Variants in OR5A1 observed in about 807,000 individuals in gnomAD.
OR5A1 encodes the protein olfactory receptor family 5 subfamily A member 1, also known as olfactory receptor 5A1.
A neutral mutation model predicts 6.7 loss-of-function variants in OR5A1; 6 were observed. That is an observed-to-expected ratio of 0.89 (90% CI 0.49 to 1.76). OR5A1 has a LOEUF of 1.76. OR5A1 is among the 40% of genes most tolerant of loss of function. OR5A1 has a pLI of 0.01. For synonymous variants in OR5A1, 170 were observed against 155.0 expected (o/e 1.10, Z -0.72); for missense variants, 378 against 381.7 (o/e 0.99, Z 0.08).
At position 59,446,076 on chromosome 11, in the gene OR5A1, T is replaced by C. The variant is rs1478775368; in HGVS notation, c.*1960T>C. On this transcript the variant is annotated 3_prime_UTR_variant, in exon 2 of 2. Coordinates refer to ENST00000641045, the MANE Select transcript of OR5A1 (RefSeq NM_001004728.2). ...TCTTTGCCAGTGCCTATGTCCTAAA[T>C]GGCATTGCCTAGATTTTCTTCTAGG... The C allele has an allele frequency of 6.6e-6, 1 of 152,238 alleles. No homozygotes were observed. The highest frequency in any genetic ancestry group is 1.5e-5 in the Non-Finnish European group (1 of 68,038). 9.4% of individuals were successfully genotyped at this position (152,238 alleles called of 1,614,324 possible).
chr11:59,440,961 A>T (rs903552472), intron 1 of OR5A1, among the ~76,000 whole-genome samples: 36 of 152,234 alleles, frequency 2.4e-4, no homozygotes, highest in Admixed American at 6.5e-5. Context: ...GCAATAAAAA[A>T]TAAGTAGAAG....
In OR5A1 at chr11:59,443,417, T is replaced by C. The variant is rs930793933; in HGVS notation, c.249T>C (p.Asn83=). ...DICYSSAVAP[N]MLTDFFWEQK... ...GCTACTCTTCTGCTGTGGCTCCCAA[T>C]ATGCTCACTGACTTCTTCTGGGAGC... The change falls in exon 2 of 2, where the codon AAT becomes AAC. Residue 83 remains asparagine, a synonymous_variant. Transcript: ENST00000641045. 6.2e-7 allele frequency: 1 copy of C among 1,613,830 alleles called. No homozygotes were observed. The highest frequency in any genetic ancestry group is 8.5e-7 in the Non-Finnish European group (1 of 1,180,042).
chr11:59,438,347 T>A (rs1858445440), intron 1 of OR5A1, among the ~76,000 whole-genome samples: 1 of 152,252 alleles, frequency 6.6e-6, no homozygotes, highest in Admixed American at 6.5e-5. Context: ...AGTAGCATTT[T>A]TTTTAAGTCT....
chr11:59,444,509 G>T lies in OR5A1; in HGVS notation c.*393G>T. 1 of 157,498 alleles carries T rather than the reference G, an allele frequency of 6.3e-6. No individual in the cohort carries two copies. Among genetic ancestry groups the T allele is most frequent in the Non-Finnish European group, 1.4e-5 (1 of 71,180 alleles). 9.8% of individuals were successfully genotyped at this position (157,498 alleles called of 1,614,324 possible). On this transcript the variant is annotated 3_prime_UTR_variant, in exon 2 of 2. Transcript: ENST00000641045. ...AATAAGGAAACAGTGTGTCAGCAAG[G>T]AAAATTAACTTGCTCAGGGTCACCA...
rs201429726 is a variant in OR5A1 at position 59,437,717 on chromosome 11, A to G, written c.-34+882A>G. On this transcript the variant is annotated intron_variant, in intron 1 of 1. Transcript: ENST00000641045. ...TTGAAATTCCAGATAACATGCAGAA[A>G]TTTAGGATTTACATACAAGTTTGTT... 3.9e-5 allele frequency among the ~76,000 whole-genome samples: 6 copies of G among 152,340 alleles called. No individual in the cohort carries two copies. The East Asian group carries it at 9.6e-4, about 24-fold the overall frequency.
chr11:59,444,321 A>AT lies in OR5A1; in HGVS notation c.*205_*206insT. 3.7e-6 allele frequency: 1 copy of AT among 268,030 alleles called. No homozygotes were observed. The highest frequency in any genetic ancestry group is 7.0e-6 in the Non-Finnish European group (1 of 142,846). The allele number at this position is 268,030 out of a possible 1,614,324, so 16.6% of individuals were successfully genotyped here. ...CAAAAAGGGAAGGAATTTCTTCAGA[A>AT]AAAAAAAAAAAAAAAAAAGAACCTC... On this transcript the variant is annotated 3_prime_UTR_variant, in exon 2 of 2. Coordinates refer to ENST00000641045, the MANE Select transcript of OR5A1 (RefSeq NM_001004728.2).
chr11:59,441,656 G>A (rs1165237809), intron 1 of OR5A1, among the ~76,000 whole-genome samples: 1 of 152,186 alleles, frequency 6.6e-6, no homozygotes, highest in Non-Finnish European at 1.5e-5. Context: ...TGTGCATTGA[G>A]ACTCAGTGTG....
At chr11:59,437,734 A>T (rs975848151) in intron 1 of OR5A1, among the ~76,000 whole-genome samples, 3 of 152,172 alleles carry the variant, frequency 2.0e-5, no homozygotes, top group Admixed American at 1.3e-4. Context: ...ATTTACATAC[A>T]AGTTTGTTGT....
Position 59,444,986 on chromosome 11 carries a change from T to C in OR5A1, c.*870T>C, listed in dbSNP as rs558172515. On this transcript the variant is annotated 3_prime_UTR_variant, in exon 2 of 2. Transcript: ENST00000641045. ...TAATATTTCACTAAATGTTGTATTT[T>C]TTTTCTTTTAATTTAATTTAATTTT... The C allele has an allele frequency of 3.9e-5, 6 of 152,274 alleles. No individual in the cohort carries two copies. The South Asian group carries it at 1.2e-3, about 32-fold the overall frequency. The allele number at this position is 152,274 out of a possible 1,614,324, so 9.4% of individuals were successfully genotyped here.
rs1858513009 is a variant in OR5A1 at position 59,443,688 on chromosome 11, C to T, written c.520C>T (p.Pro174Ser). Residue 174 changes from proline to serine, a missense_variant, in exon 2 of 2, where the codon CCC becomes TCC. By Grantham distance (74) the Pro-to-Ser change is moderately conservative. Transcript: ENST00000641045. ...SSIFRLHFCG[P>S]NIINHFFCDL... is the part of the protein sequence containing the mutation. Reference sequence around the variant, plus strand: ...CATATTTAGGCTTCACTTTTGCGGACCCAACATCATCAACCACTTCTTCTG... The same window carrying T: ...CATATTTAGGCTTCACTTTTGCGGATCCAACATCATCAACCACTTCTTCTG... 1 of 1,614,046 alleles carries T rather than the reference C, an allele frequency of 6.2e-7. No individual in the cohort carries two copies. The highest frequency in any genetic ancestry group is 1.1e-5 in the South Asian group (1 of 91,082).
Position 59,443,828 on chromosome 11 carries a change from C to A in OR5A1, c.660C>A (p.Ser220=). 1 of 1,614,120 alleles carries A rather than the reference C, an allele frequency of 6.2e-7. No homozygotes were observed. The highest frequency in any genetic ancestry group is 2.2e-5 in the East Asian group (1 of 44,870). Residue 220 remains serine, a synonymous_variant, in exon 2 of 2, where the codon TCC becomes TCA. Coordinates refer to ENST00000641045, the MANE Select transcript of OR5A1 (RefSeq NM_001004728.2). ...CATCGTTCCTCCAACTCCTTATCTC[C>A]TATGGTTACATAGTGTCTGCGGTCC... ...GGTSFLQLLI[S]YGYIVSAVLK...
Position 59,450,178 on chromosome 11 carries a change from T to C in OR5A1, c.*6062T>C, listed in dbSNP as rs2134542421. ...TTGAACAAGCTAATTCTATGTTCAA[T>C]CATGCAACCCTGAGGTTACAAAATA... On this transcript the variant is annotated 3_prime_UTR_variant, in exon 2 of 2. Transcript: ENST00000641045. 1 of 152,318 alleles carries C rather than the reference T, an allele frequency of 6.6e-6. No homozygotes were observed. The highest frequency in any genetic ancestry group is 1.5e-5 in the Non-Finnish European group (1 of 68,024). The allele number at this position is 152,318 out of a possible 1,614,324, so 9.4% of individuals were successfully genotyped here.
Position 59,447,162 on chromosome 11 carries a change from C to T in OR5A1, c.*3046C>T, listed in dbSNP as rs1043824527. On this transcript the variant is annotated 3_prime_UTR_variant, in exon 2 of 2. Transcript: ENST00000641045. ...ACTCAGCATGGCTCCTGAGACTAAA[C>T]TCATAAACACTTTGTGACATTTCCC... 3.3e-5 allele frequency: 5 copies of T among 152,194 alleles called. No individual in the cohort carries two copies. The highest frequency in any genetic ancestry group is 6.5e-5 in the Admixed American group (1 of 15,272). The allele number at this position is 152,194 out of a possible 1,614,324, so 9.4% of individuals were successfully genotyped here. A position where few individuals can be genotyped will look rare whatever the true frequency, so the allele number is the denominator to read the frequency against.
At chr11:59,442,719 T>G (rs1018091394) in intron 1 of OR5A1, among the ~76,000 whole-genome samples, 1 of 152,226 alleles carries the variant, frequency 6.6e-6, no homozygotes, top group East Asian at 1.9e-4. Flanking sequence ...TTCCAAGACA[T>G]GACCTGACTT....
At chr11:59,440,455 G>A (rs1387709720) in intron 1 of OR5A1, among the ~76,000 whole-genome samples, 2 of 152,122 alleles carry the variant, frequency 1.3e-5, no homozygotes, top group African/African-American at 2.4e-5. Flanking sequence ...CCCACAGCTG[G>A]CAAGTGGCAG....
Position 59,444,316 on chromosome 11 carries a change from T to TAA in OR5A1, c.*200_*201insAA. 4 of 119,726 alleles carry TAA rather than the reference T, an allele frequency of 3.3e-5. No individual in the cohort carries two copies. Among genetic ancestry groups the TAA allele is most frequent in the East Asian group, 3.2e-4 (2 of 6,166 alleles). 7.4% of individuals were successfully genotyped at this position (119,726 alleles called of 1,614,324 possible). On this transcript the variant is annotated 3_prime_UTR_variant, in exon 2 of 2. Coordinates refer to ENST00000641045, the MANE Select transcript of OR5A1 (RefSeq NM_001004728.2). The stretch of plus-strand genomic sequence containing the variant: ...ATAGCCAAAAAGGGAAGGAATTTCT[T>TAA]CAGAAAAAAAAAAAAAAAAAAAAGA...
Position 59,449,494 on chromosome 11 carries a change from T to C in OR5A1, c.*5378T>C, listed in dbSNP as rs971651393. On this transcript the variant is annotated 3_prime_UTR_variant, in exon 2 of 2. Coordinates refer to ENST00000641045, the MANE Select transcript of OR5A1 (RefSeq NM_001004728.2). ...CTTCCTAAGACACATTCAAATAAGG[T>C]AATTTTTCAAAAATTAAAACTCATT... 1 of 152,176 alleles carries C rather than the reference T, an allele frequency of 6.6e-6. No homozygotes were observed. Among genetic ancestry groups the C allele is most frequent in the Non-Finnish European group, 1.5e-5 (1 of 68,034 alleles). 9.4% of individuals were successfully genotyped at this position (152,176 alleles called of 1,614,324 possible). A position where few individuals can be genotyped will look rare whatever the true frequency, so the allele number is the denominator to read the frequency against.
At chr11:59,437,204 C>G (rs1441261198) in intron 1 of OR5A1, among the ~76,000 whole-genome samples, 1 of 152,096 alleles carries the variant, frequency 6.6e-6, no homozygotes, top group Non-Finnish European at 1.5e-5. Context: ...CCATAGTTAA[C>G]ATTTGGGTTC....
At chr11:59,441,150 T>C (rs1858476702) in intron 1 of OR5A1, among the ~76,000 whole-genome samples, 1 of 152,146 alleles carries the variant, frequency 6.6e-6, no homozygotes, top group South Asian at 2.1e-4. Context: ...GCAGAAAAAT[T>C]TGGCGCAAAT....
Sources: allele counts gnomAD v4.1 joint callset (sites outside exome capture counted in the v4.1 genomes callset), GRCh38; gene constraint gnomAD v4.1.1; transcripts MANE v1.5; gene names NCBI Gene and HGNC (gene_info 2026-07-23, HGNC 2026-07-21).